The following GALNT13 variants were observed in gnomAD, a reference collection of about 807,000 sequenced individuals.
GALNT13 encodes the protein UDP-GalNAc:polypeptide N-acetylgalactosaminyltransferase 13.
A neutral mutation model predicts 64.2 loss-of-function variants in GALNT13; 28 were observed. The observed-to-expected ratio is 0.44, with a 90% CI of 0.32 to 0.60. The LOEUF is 0.60. Ranked by LOEUF, GALNT13 falls within the 20% of genes least tolerant of loss-of-function variation. The pLI, the probability that GALNT13 is intolerant of heterozygous loss-of-function variation, is 0.05. For missense variants in GALNT13, 577 were observed against 669.8 expected (o/e 0.86, Z 1.53); for synonymous variants, 214 against 224.6 (o/e 0.95, Z 0.42).
At chr2:153,266,685 T>A in the GALNT13 span, among the ~76,000 whole-genome samples, 1 of 152,086 alleles carries the variant, frequency 6.6e-6, no homozygotes, top group South Asian at 2.1e-4. Context: ...GCCCCCATGA[T>A]CCAATCACAT....
At chr2:153,814,584 A>G in the GALNT13 span, among the ~76,000 whole-genome samples, 2 of 152,344 alleles carry the variant, frequency 1.3e-5, no homozygotes, top group East Asian at 3.9e-4. Flanking sequence ...CAGCAGCCAC[A>G]AAGCCTCATT....
At chr2:154,275,696 C>A (rs1334724550) in intron 8 of GALNT13, among the ~76,000 whole-genome samples, 2 of 152,182 alleles carry the variant, frequency 1.3e-5, no homozygotes, top group Non-Finnish European at 2.9e-5. Context: ...ACACAGAGTC[C>A]CCCCTGGACA....
At chr2:153,748,543 C>T in the GALNT13 span, among the ~76,000 whole-genome samples, 1 of 152,080 alleles carries the variant, frequency 6.6e-6, no homozygotes, top group East Asian at 1.9e-4. Flanking sequence ...AGTACCTTTT[C>T]ATATGCCAGT....
the GALNT13 span, among the ~76,000 whole-genome samples, chr2:153,687,749 G>T: frequency 6.6e-6 from 1 of 151,840 alleles, no homozygotes; most frequent in South Asian, 2.1e-4. Flanking sequence ...AAAAGGAAAT[G>T]ATGATTTAGC....
intron 3 of GALNT13, among the ~76,000 whole-genome samples, chr2:154,006,601 C>T (rs1278266847): frequency 6.6e-6 from 1 of 152,058 alleles, no homozygotes; most frequent in Non-Finnish European, 1.5e-5. Flanking sequence ...TGAGAACTAC[C>T]AGAAAAACTG....
chr2:154,186,331 A>G (rs1307538891), intron 4 of GALNT13, among the ~76,000 whole-genome samples: 5 of 152,074 alleles, frequency 3.3e-5, no homozygotes, highest in Admixed American at 3.3e-4. Flanking sequence ...TTGCAATTCA[A>G]ACAATCTCAT....
the GALNT13 span, among the ~76,000 whole-genome samples, chr2:153,526,837 AAAG>A: frequency 2.0e-4 from 31 of 152,142 alleles, no homozygotes; most frequent in African/African-American, 7.5e-4. Context: ...TAAAATGAAA[AAAG>A]AGATTGAAAT....
chr2:153,599,873 C>G, the GALNT13 span, among the ~76,000 whole-genome samples: 1 of 151,896 alleles, frequency 6.6e-6, no homozygotes, highest in Admixed American at 6.6e-5. Context: ...ATATTTTCCC[C>G]CTCTTCTCAG....
chr2:154,346,119 G>A (rs1696053846), intron 9 of GALNT13, among the ~76,000 whole-genome samples: 1 of 151,558 alleles, frequency 6.6e-6, no homozygotes, highest in Non-Finnish European at 1.5e-5. Flanking sequence ...CTGAATTGAG[G>A]GTAACCATTT....
the GALNT13 span, among the ~76,000 whole-genome samples, chr2:153,739,824 A>T: frequency 1.3e-5 from 2 of 151,506 alleles, no homozygotes; most frequent in Admixed American, 1.3e-4. Flanking sequence ...TTGGTGTATA[A>T]TTCTCTTGTG....
At chr2:153,585,042 C>A in the GALNT13 span, among the ~76,000 whole-genome samples, 1 of 152,080 alleles carries the variant, frequency 6.6e-6, no homozygotes, top group African/African-American at 2.4e-5. Context: ...CTCAAATGAA[C>A]ACAATAATTC....
Position 154,439,915 on chromosome 2 carries a change from C to T in GALNT13, c.1530+1189C>T, listed in dbSNP as rs114682757. Reference sequence around the variant, plus strand: ...AGTGTGATTAAGATGCTACTGCCTTCGCTATATCTTACTCACCTTGTCTGA... The same window carrying T: ...AGTGTGATTAAGATGCTACTGCCTTTGCTATATCTTACTCACCTTGTCTGA... On this transcript the variant is annotated intron_variant, in intron 12 of 12. Coordinates refer to ENST00000392825, the MANE Select transcript of GALNT13 (RefSeq NM_052917.4). Among the ~76,000 whole-genome samples, 1,151 of 152,206 alleles carry T rather than the reference C, an allele frequency of 7.6e-3. 19 individuals are homozygous for T. The highest frequency in any genetic ancestry group is 0.026 in the African/African-American group (1,071 of 41,536).
At chr2:153,272,723 C>G in the GALNT13 span, among the ~76,000 whole-genome samples, 1 of 152,134 alleles carries the variant, frequency 6.6e-6, no homozygotes, top group Admixed American at 6.5e-5. Context: ...TCTCAAGGAT[C>G]TAGAACCAGA....
chr2:154,034,103 G>A (rs1039146326), intron 3 of GALNT13, among the ~76,000 whole-genome samples: 3 of 152,114 alleles, frequency 2.0e-5, no homozygotes, highest in Non-Finnish European at 2.9e-5. Context: ...TTATGACTCA[G>A]CCATCACACT....
intron 11 of GALNT13, among the ~76,000 whole-genome samples, chr2:154,417,772 A>T (rs1027309622): frequency 2.6e-5 from 4 of 151,980 alleles, no homozygotes; most frequent in Admixed American, 2.6e-4. Flanking sequence ...TCCACATCCC[A>T]AAGTGCTGGG....
At chr2:154,007,292 G>A (rs964617707) in intron 3 of GALNT13, among the ~76,000 whole-genome samples, 9 of 149,088 alleles carry the variant, frequency 6.0e-5, no homozygotes, top group Admixed American at 2.0e-4. Flanking sequence ...CACCAATCGT[G>A]TGAGCTCAAA....
chr2:154,295,348 T>TTTTATTTATTTATTTA (rs10530260), intron 8 of GALNT13, among the ~76,000 whole-genome samples: 74,859 of 141,998 alleles, frequency 0.53, 21,353 homozygotes, highest in South Asian at 0.69. Context: ...ATTCTTTTTA[T>TTTTATTTATTTATTTA]TTTATTTATT....
the GALNT13 span, among the ~76,000 whole-genome samples, chr2:153,352,208 T>A: frequency 2.8e-3 from 426 of 152,294 alleles, 2 homozygotes; most frequent in African/African-American, 1.0e-2. Context: ...TGGTGACATA[T>A]AATGTAAGGC....
At chr2:153,627,171 T>C in the GALNT13 span, among the ~76,000 whole-genome samples, 1 of 152,032 alleles carries the variant, frequency 6.6e-6, no homozygotes, top group African/African-American at 2.4e-5. Context: ...AGCCAACACA[T>C]TGAGGACTGT....
Sources: allele counts gnomAD v4.1 joint callset (sites outside exome capture counted in the v4.1 genomes callset), GRCh38; gene constraint gnomAD v4.1.1; transcripts MANE v1.5; gene names NCBI Gene and HGNC (gene_info 2026-07-23, HGNC 2026-07-21).